Variants in CARMIL2 observed in about 807,000 individuals in gnomAD.
The protein encoded by CARMIL2 is capping protein regulator and myosin 1 linker 2, also known as capping protein, Arp2/3 and myosin-I linker protein 2.
CARMIL2 carries 96 observed loss-of-function variants against 173.3 expected under a neutral mutation model. That is an observed-to-expected ratio of 0.55 (90% CI 0.47 to 0.66). CARMIL2 has a LOEUF of 0.66. Ranked by LOEUF, CARMIL2 falls within the 30% of genes least tolerant of loss-of-function variation. The pLI is 0.00. For synonymous variants in CARMIL2, 830 were observed against 817.1 expected, an observed-to-expected ratio of 1.02 and a Z score of -0.27; for missense variants, 1,771 against 1,906.7, an observed-to-expected ratio of 0.93 and a Z score of 1.33.
chr16:67,649,929 G>T lies in CARMIL2; in HGVS notation c.2043G>T (p.Gln681His), dbSNP rs756018022. Residue 681 changes from glutamine to histidine, a missense_variant, in exon 21 of 38, where the codon CAG becomes CAT. Coordinates refer to ENST00000334583, the MANE Select transcript of CARMIL2 (RefSeq NM_001013838.3). The surrounding 1 kb of genome is among the most constrained non-coding windows in gnomAD (Gnocchi z 6.7). ...CACTGAACGACGTGGCCCAGGCGCA[G>T]CGCAGCCGCCCGGAACTGACAGCAC... ...PLPLNDVAQA[Q>H]RSRPELTARA... 3 of 1,613,274 alleles carry T rather than the reference G, an allele frequency of 1.9e-6. No individual in the cohort carries two copies. The highest frequency in any genetic ancestry group is 2.5e-6 in the Non-Finnish European group (3 of 1,179,850).
Position 67,649,656 on chromosome 16 carries a change from G to C in CARMIL2, c.1919+37G>C, listed in dbSNP as rs755055465. 6.4e-7 allele frequency: 1 copy of C among 1,565,392 alleles called. No homozygotes were observed. Among genetic ancestry groups the C allele is most frequent in the Non-Finnish European group, 8.6e-7 (1 of 1,160,196 alleles). On this transcript the variant is annotated intron_variant, in intron 20 of 37. Coordinates refer to ENST00000334583, the MANE Select transcript of CARMIL2 (RefSeq NM_001013838.3). The surrounding 1 kb of genome is among the most constrained non-coding windows in gnomAD (Gnocchi z 6.7). ...CAGAGGGGTGGGACCAGCGGGCAGG[G>C]GGCGCGGTGGAGAGGAGGGCACCGG...
At position 67,647,514 on chromosome 16, in the gene CARMIL2, T is replaced by C. The variant is rs749968607; in HGVS notation, c.783T>C (p.Phe261=). ...CCTGGGGTCTGGTCCCCAGAGACTT[T>C]GTCCGACGACTGGCCCAGGCGCTGG... The part of the protein sequence containing the change: ...VLETCSLRGD[F]VRRLAQALAG... The change falls in exon 11 of 38, where the codon TTT becomes TTC. Residue 261 remains phenylalanine, a synonymous_variant. Coordinates refer to ENST00000334583, the MANE Select transcript of CARMIL2 (RefSeq NM_001013838.3). 5 of 1,604,326 alleles carry C rather than the reference T, an allele frequency of 3.1e-6. No homozygotes were observed. The African/African-American group carries it at 5.4e-5, about 17-fold the overall frequency.
Position 67,649,447 on chromosome 16 carries a change from C to T in CARMIL2, c.1747C>T (p.Pro583Ser). The change falls in exon 20 of 38, where the codon CCT (proline) becomes TCT (serine). Residue 583 changes from proline to serine, a missense_variant and splice_region_variant. By Grantham distance (74) the Pro-to-Ser change is moderately conservative (BLOSUM62 -1). Transcript: ENST00000334583. The surrounding 1 kb of genome is among the most constrained non-coding windows in gnomAD (Gnocchi z 6.7). ...IVQLMQDDDC[P>S]LQSLSVAESR... ...ATCAATGGCTTTCTCTTAACCCCAG[C>T]CTCTTCAGTCTCTGTCGGTGGCTGA... 1.2e-6 allele frequency: 2 copies of T among 1,612,138 alleles called. No individual in the cohort carries two copies. The highest frequency in any genetic ancestry group is 1.7e-6 in the Non-Finnish European group (2 of 1,179,890).
Position 67,645,165 on chromosome 16 carries a change from G to C in CARMIL2, c.-82G>C. The C allele has an allele frequency of 2.6e-6, 3 of 1,163,782 alleles. No individual in the cohort carries two copies. Among genetic ancestry groups the C allele is most frequent in the Non-Finnish European group, 2.5e-6 (2 of 814,998 alleles). The allele number at this position is 1,163,782 out of a possible 1,614,324, so 72.1% of individuals were successfully genotyped here. ...GAGCAGGTGGCTGCCGTGCGGGTCT[G>C]GGCCCCAGGCTTCCTGTGTGCGCGC... is the stretch of plus-strand genomic sequence containing the variant. On this transcript the variant is annotated 5_prime_UTR_variant, in exon 1 of 38. Coordinates refer to ENST00000334583, the MANE Select transcript of CARMIL2 (RefSeq NM_001013838.3).
In CARMIL2 at chr16:67,652,957, G is replaced by C. The variant is rs1027512538; in HGVS notation, c.2885-62G>C. On this transcript the variant is annotated intron_variant, in intron 28 of 37. Coordinates refer to ENST00000334583, the MANE Select transcript of CARMIL2 (RefSeq NM_001013838.3). This position sits in a 1 kb window ranked among gnomAD's most constrained non-coding sequence, Gnocchi z 4.7. ...CCTGGGCGGGTCCCCCGCCGCCCTA[G>C]CGCCTCCGCCGCCACCTCCCCGGGC... 2 of 898,612 alleles carry C rather than the reference G, an allele frequency of 2.2e-6. No individual in the cohort carries two copies. The highest frequency in any genetic ancestry group is 1.8e-5 in the African/African-American group (1 of 54,136). 55.7% of individuals were successfully genotyped at this position (898,612 alleles called of 1,614,324 possible). A position where few individuals can be genotyped will look rare whatever the true frequency, so the allele number is the denominator to read the frequency against.
chr16:67,649,541 T>C lies in CARMIL2; in HGVS notation c.1841T>C (p.Leu614Pro). Residue 614 changes from leucine to proline, a missense_variant, in exon 20 of 38, where the codon CTG becomes CCG. Physicochemically the swap from Leu to Pro is moderately conservative, Grantham distance 98. Transcript: ENST00000334583. The surrounding 1 kb of genome is among the most constrained non-coding windows in gnomAD (Gnocchi z 6.7). ...ALATNPNLTA[L>P]DISGNAMGDA... Reference sequence around the variant, plus strand: ...GCCACCAATCCTAACCTGACCGCGCTGGATATCAGCGGCAACGCCATGGGG... The same window carrying C: ...GCCACCAATCCTAACCTGACCGCGCCGGATATCAGCGGCAACGCCATGGGG... 6.2e-7 allele frequency: 1 copy of C among 1,600,146 alleles called. No individual in the cohort carries two copies. Among genetic ancestry groups the C allele is most frequent in the Non-Finnish European group, 8.5e-7 (1 of 1,177,116 alleles).
At position 67,654,638 on chromosome 16, in the gene CARMIL2, G is replaced by A. The variant is rs376701724; in HGVS notation, c.3528G>A (p.Ser1176=). The A allele has an allele frequency of 6.3e-6, 10 of 1,591,420 alleles. No individual in the cohort carries two copies. The highest frequency in any genetic ancestry group is 6.9e-6 in the Non-Finnish European group (8 of 1,167,288). Residue 1176 remains serine (S), a synonymous_variant, in exon 31 of 38, where the codon TCG becomes TCA. Transcript: ENST00000334583. ...ACACAAGAGATAGCAAGGCCTACTC[G>A]ATGATACTGCTGCCTGCCGAGGAGG... The part of the protein sequence containing the change: ...PRYTRDSKAY[S]MILLPAEEEA...
chr16:67,655,413 AGAGT>A (rs1179246789), intron 32 of CARMIL2, among the ~76,000 whole-genome samples: 1 of 152,236 alleles, frequency 6.6e-6, no homozygotes, highest in East Asian at 1.9e-4. Context: ...CTGGACAACA[AGAGT>A]GAGACTCATC....
In CARMIL2 at chr16:67,657,286, A is replaced by G. The variant is rs1332578778; in HGVS notation, c.4165A>G (p.Lys1389Glu). Residue 1389 changes from lysine (K) to glutamate (E), a missense_variant, in exon 37 of 38, where the codon AAA becomes GAA. Physicochemically the swap from Lys to Glu is moderately conservative, Grantham distance 56 (BLOSUM62 1). Transcript: ENST00000334583. This position sits in a 1 kb window ranked among gnomAD's most constrained non-coding sequence, Gnocchi z 4.5. ...QRSPVLKRRP[K>E]LEAPPSPSLG... Reference sequence around the variant, plus strand: ...CTCCCCCGTCCTCAAACGCAGGCCAAAACTCGAGGCACCTCCATCCCCAAG... The same window carrying G: ...CTCCCCCGTCCTCAAACGCAGGCCAGAACTCGAGGCACCTCCATCCCCAAG... 9.9e-6 allele frequency: 16 copies of G among 1,613,806 alleles called. No homozygotes were observed. The highest frequency in any genetic ancestry group is 1.4e-5 in the Non-Finnish European group (16 of 1,179,830).
rs1313820893 is a variant in CARMIL2, at chr16:67,657,322, AG to A, written c.4195+11del. ...ACCTCCATCCCCAAGCCTAGGTAAG[AG>A]GGGGTCCAGGCCAGCTGGGAGGGTG... On this transcript the variant is annotated splice_region_variant and intron_variant, in intron 37 of 37. Transcript: ENST00000334583. This position sits in a 1 kb window ranked among gnomAD's most constrained non-coding sequence, Gnocchi z 4.5. The A allele has an allele frequency of 1.2e-6, 2 of 1,613,168 alleles. 1 individual carries two copies. The highest frequency in any genetic ancestry group is 1.7e-6 in the Non-Finnish European group (2 of 1,179,672).
In CARMIL2 at chr16:67,652,283, C is replaced by T. The variant is rs1315473900; in HGVS notation, c.2761C>T (p.Pro921Ser). ...PDGGEPSLLEPGELEGLFFPE... is the reference protein window; with the variant it reads ...PDGGEPSLLESGELEGLFFPE... ...TGGAGGTGAGCCCAGCCTCCTTGAG[C>T]CTGGGGAATTGGAAGGTCTTTTCTT... Residue 921 changes from proline to serine, a missense_variant, in exon 27 of 38, where the codon CCT (proline) becomes TCT (serine). Physicochemically the swap from Pro to Ser is moderately conservative, Grantham distance 74. This residue lies in a region of CARMIL2 where 817 missense variants were observed against 903.5 expected (regional missense o/e 0.90). Coordinates refer to ENST00000334583, the MANE Select transcript of CARMIL2 (RefSeq NM_001013838.3). The surrounding 1 kb of genome is among the most constrained non-coding windows in gnomAD (Gnocchi z 4.7). 3.7e-6 allele frequency: 6 copies of T among 1,613,180 alleles called. No individual in the cohort carries two copies. Among genetic ancestry groups the T allele is most frequent in the Non-Finnish European group, 5.1e-6 (6 of 1,179,722 alleles).
At position 67,645,220 on chromosome 16, in the gene CARMIL2, G is replaced by A; in HGVS notation, c.-27G>A. 1 of 1,564,032 alleles carries A rather than the reference G, an allele frequency of 6.4e-7. No individual in the cohort carries two copies. Among genetic ancestry groups the A allele is most frequent in the Non-Finnish European group, 8.7e-7 (1 of 1,154,196 alleles). ...CCTCTGCTGTTTCCCGCCGGAGCTC[G>A]TTGGGCCTCCCCGGCCCGCCCGGCC... On this transcript the variant is annotated 5_prime_UTR_variant, in exon 1 of 38. Transcript: ENST00000334583.
At position 67,651,876 on chromosome 16, in the gene CARMIL2, C is replaced by A. The variant is rs748977067; in HGVS notation, c.2588+31C>A. ...CTGGATGGGGCTGGGCTGGGCAAGG[C>A]TGAGCAAAGCCAGCCCATTAACCCC... On this transcript the variant is annotated intron_variant, in intron 25 of 37. Coordinates refer to ENST00000334583, the MANE Select transcript of CARMIL2 (RefSeq NM_001013838.3). The surrounding 1 kb of genome is among the most constrained non-coding windows in gnomAD (Gnocchi z 4.2). The A allele has an allele frequency of 4.3e-6, 7 of 1,612,576 alleles. No individual in the cohort carries two copies. In the African/African-American group the frequency reaches 9.3e-5, roughly 22 times the overall value.
At chr16:67,645,385 C>T in intron 1 of CARMIL2, 99 bp downstream of exon 1, 2 of 1,422,976 alleles carry the variant, frequency 1.4e-6, no homozygotes, top group East Asian at 4.9e-5. Flanking sequence ...GTCAGAGGTC[C>T]TCCCTGCTCC....
In CARMIL2 at chr16:67,653,363, G is replaced by T; in HGVS notation, c.3120+109G>T. The stretch of plus-strand genomic sequence containing the variant: ...AGGAGAGGGGGTGGTGGGGGCCCAA[G>T]GCCACCTGGTCGTGCGGCCGCGGTC... On this transcript the variant is annotated intron_variant, in intron 29 of 37. Coordinates refer to ENST00000334583, the MANE Select transcript of CARMIL2 (RefSeq NM_001013838.3). This position sits in a 1 kb window ranked among gnomAD's most constrained non-coding sequence, Gnocchi z 7.4. 1 of 385,938 alleles carries T rather than the reference G, an allele frequency of 2.6e-6. No homozygotes were observed. Among genetic ancestry groups the T allele is most frequent in the Non-Finnish European group, 3.7e-6 (1 of 269,070 alleles). 23.9% of individuals were successfully genotyped at this position (385,938 alleles called of 1,614,324 possible).
intron 29 of CARMIL2, 65 bp from the exon 30 acceptor site, chr16:67,654,084 G>A (rs1283576122): frequency 4.9e-5 from 43 of 872,288 alleles, no homozygotes; most frequent in South Asian, 4.7e-4. Flanking sequence ...GCCGGCCGGG[G>A]GGGGGGGGGG....
At position 67,649,996 on chromosome 16, in the gene CARMIL2, T is replaced by G. The variant is rs1434200275; in HGVS notation, c.2082+28T>G. On this transcript the variant is annotated intron_variant, in intron 21 of 37. Coordinates refer to ENST00000334583, the MANE Select transcript of CARMIL2 (RefSeq NM_001013838.3). This position sits in a 1 kb window ranked among gnomAD's most constrained non-coding sequence, Gnocchi z 6.7. ...GGGCGTCCCCCTCTTCCCTTGCCCT[T>G]CTCTGCACGGTAACTCCGTCCCTCG... The G allele has an allele frequency of 6.2e-7, 1 of 1,613,608 alleles. No individual in the cohort carries two copies. Among genetic ancestry groups the G allele is most frequent in the South Asian group, 1.1e-5 (1 of 91,058 alleles).
Position 67,656,792 on chromosome 16 carries a change from C to T in CARMIL2, c.4037-9C>T. On this transcript the variant is annotated splice_polypyrimidine_tract_variant and intron_variant, in intron 35 of 37. Coordinates refer to ENST00000334583, the MANE Select transcript of CARMIL2 (RefSeq NM_001013838.3). ...GTTGGAATACCCCTGATTCCCTGGC[C>T]TCCCTCAGATGGCCAGCTGAGGCCG... 1.3e-6 allele frequency: 2 copies of T among 1,551,778 alleles called. No individual in the cohort carries two copies. The highest frequency in any genetic ancestry group is 1.7e-6 in the Non-Finnish European group (2 of 1,147,558).
Position 67,646,966 on chromosome 16 carries a change from G to T in CARMIL2, c.604G>T (p.Gly202Cys). 6.2e-7 allele frequency: 1 copy of T among 1,613,190 alleles called. No individual in the cohort carries two copies. The highest frequency in any genetic ancestry group is 2.2e-5 in the East Asian group (1 of 44,862). Residue 202 changes from glycine (G) to cysteine (C), a missense_variant, in exon 8 of 38, where the codon GGC becomes TGC. Around this residue, in one of 3 missense-constraint regions of CARMIL2, gnomAD observed 944 missense variants for 975.6 expected, o/e 0.97. Coordinates refer to ENST00000334583, the MANE Select transcript of CARMIL2 (RefSeq NM_001013838.3). This position sits in a 1 kb window ranked among gnomAD's most constrained non-coding sequence, Gnocchi z 4.6. ...HFSLGDFSHL[G>C]SRDLALSVAA... is the part of the protein sequence containing the mutation. ...CAGCCTGGGAGACTTCAGCCACCTCGGCAGTCGGTGTGTGGCCTGCCAGGA... is the reference window on the plus strand; with the variant it reads ...CAGCCTGGGAGACTTCAGCCACCTCTGCAGTCGGTGTGTGGCCTGCCAGGA...
Sources: gnomAD v4.1 joint callset for allele counts (sites outside exome capture counted in the v4.1 genomes callset) on GRCh38, gnomAD v4.1.1 for gene constraint, gnomAD v4.1.1 regional missense constraint, Gnocchi (gnomAD v3.1) non-coding constraint, MANE v1.5 for transcripts, NCBI Gene and HGNC (gene_info 2026-07-23, HGNC 2026-07-21) for gene names.